PPP1R13B: variants seen among roughly 807,000 people sequenced by gnomAD.
PPP1R13B encodes protein phosphatase 1 regulatory subunit 13B.
In PPP1R13B, 44 loss-of-function variants were observed where a neutral mutation model predicts 119.8. That is an observed-to-expected ratio of 0.37 (90% CI 0.29 to 0.47). PPP1R13B has a LOEUF of 0.47. Among genes scored for constraint, PPP1R13B ranks in the 20% least tolerant of loss-of-function variants. PPP1R13B has a pLI of 0.99. For missense variants in PPP1R13B, 1,227 were observed against 1,413.5 expected (o/e 0.87, Z 2.12); for synonymous variants, 542 against 561.5 (o/e 0.97, Z 0.49).
At chr14:103,749,275 T>A (rs565630058) in intron 8 of PPP1R13B, among the ~76,000 whole-genome samples, 1 of 152,190 alleles carries the variant, frequency 6.6e-6, no homozygotes, top group Non-Finnish European at 1.5e-5. Flanking sequence ...TAAAATTCAG[T>A]ATCAAATAAG....
intron 15 of PPP1R13B, chr14:103,737,091 G>A (rs2091074483): frequency 1.3e-5 from 2 of 152,272 alleles, no homozygotes. Context: ...CCAGAAGCAA[G>A]GGTACAGAAC....
chr14:103,795,086 T>C (rs12147741), intron 2 of PPP1R13B, among the ~76,000 whole-genome samples: 57,418 of 151,986 alleles, frequency 0.38, 11,044 homozygotes, highest in Admixed American at 0.45. Flanking sequence ...TATAGGCGTG[T>C]GCCACCATGC....
At position 103,847,465 on chromosome 14, in the gene PPP1R13B, C is replaced by G. The variant is rs992399864; in HGVS notation, c.-158G>C. 713 of 993,168 alleles carry G rather than the reference C, an allele frequency of 7.2e-4. No individual in the cohort carries two copies. The highest frequency in any genetic ancestry group is 7.9e-4 in the Non-Finnish European group (661 of 836,290). 61.5% of individuals were successfully genotyped at this position (993,168 alleles called of 1,614,324 possible). A position where few individuals can be genotyped will look rare whatever the true frequency, so the allele number is the denominator to read the frequency against. On this transcript the variant is annotated 5_prime_UTR_variant, in exon 1 of 17. Coordinates refer to ENST00000202556, the MANE Select transcript of PPP1R13B (RefSeq NM_015316.3). ...GGCAGCTGCGGCGGGCTGCGGGGCTCTCGCTGGCCCTGTCGCGGCCGCCGG... is the reference window on the plus strand; with the variant it reads ...GGCAGCTGCGGCGGGCTGCGGGGCTGTCGCTGGCCCTGTCGCGGCCGCCGG...
At chr14:103,819,515 A>C (rs1287682724) in intron 1 of PPP1R13B, among the ~76,000 whole-genome samples, 6 of 146,484 alleles carry the variant, frequency 4.1e-5, no homozygotes, top group Admixed American at 2.9e-4. Context: ...AAACAAACAA[A>C]CAAAAAAAAA....
intron 1 of PPP1R13B, among the ~76,000 whole-genome samples, chr14:103,845,139 C>G (rs530436207): frequency 6.6e-6 from 1 of 152,300 alleles, no homozygotes; most frequent in South Asian, 2.1e-4. Context: ...CTGCTCTACA[C>G]AAACTGCAAA....
intron 1 of PPP1R13B, among the ~76,000 whole-genome samples, chr14:103,830,982 C>A (rs1245722635): frequency 6.8e-6 from 1 of 147,000 alleles, no homozygotes; most frequent in African/African-American, 2.5e-5. Context: ...CTCACTCTGT[C>A]GCCCAGGCTG....
At chr14:103,737,401 CAA>C (rs774685953) in intron 15 of PPP1R13B, 1,680 of 160,386 alleles carry the variant, frequency 0.01, no homozygotes, top group South Asian at 0.016. Context: ...ACTGTCTCTA[CAA>C]AAAAAAAAAA....
chr14:103,792,772 C>CA (rs952630243), intron 2 of PPP1R13B, among the ~76,000 whole-genome samples: 3 of 149,708 alleles, frequency 2.0e-5, no homozygotes, highest in African/African-American at 4.9e-5. Flanking sequence ...GACTCTGTCT[C>CA]AAAAAAAAGA....
intron 2 of PPP1R13B, among the ~76,000 whole-genome samples, chr14:103,792,313 G>T (rs1012249881): frequency 6.6e-6 from 1 of 152,046 alleles, no homozygotes; most frequent in Non-Finnish European, 1.5e-5. Flanking sequence ...TAGTAGCTGG[G>T]ACTACAGGCA....
At chr14:103,845,295 C>T (rs2087003174) in intron 1 of PPP1R13B, among the ~76,000 whole-genome samples, 1 of 152,106 alleles carries the variant, frequency 6.6e-6, no homozygotes, top group African/African-American at 2.4e-5. Context: ...ACTAAATTTA[C>T]AACCAACTCC....
At chr14:103,848,615 G>T, upstream of PPP1R13B, 1 of 528,494 alleles carries the variant, frequency 1.9e-6, no homozygotes, top group Non-Finnish European at 2.4e-6. Context: ...GGCGTAAGCC[G>T]CCCTGGGAAG....
chr14:103,793,742 G>C (rs1050932618), intron 2 of PPP1R13B, among the ~76,000 whole-genome samples: 10 of 152,138 alleles, frequency 6.6e-5, no homozygotes, highest in African/African-American at 2.4e-4. Context: ...AAAATGGAAG[G>C]TTTTATCTAC....
chr14:103,767,410 G>A (rs2084962343), intron 4 of PPP1R13B, among the ~76,000 whole-genome samples: 1 of 151,970 alleles, frequency 6.6e-6, no homozygotes, highest in African/African-American at 2.4e-5. Context: ...CCTTGAAACT[G>A]TATTTTCAAA....
At chr14:103,810,183 G>A (rs1028853551) in intron 1 of PPP1R13B, among the ~76,000 whole-genome samples, 30 of 151,986 alleles carry the variant, frequency 2.0e-4, no homozygotes, top group Non-Finnish European at 3.2e-4. Flanking sequence ...CAGCACTTTC[G>A]GAGGCTGAGG....
Position 103,749,942 on chromosome 14 carries a change from C to T in PPP1R13B, c.829-8G>A. The T allele has an allele frequency of 6.2e-7, 1 of 1,611,030 alleles. No individual in the cohort carries two copies. Among genetic ancestry groups the T allele is most frequent in the Non-Finnish European group, 8.5e-7 (1 of 1,179,184 alleles). On this transcript the variant is annotated splice_region_variant and splice_polypyrimidine_tract_variant and intron_variant, in intron 7 of 16. Coordinates refer to ENST00000202556, the MANE Select transcript of PPP1R13B (RefSeq NM_015316.3). The stretch of plus-strand genomic sequence containing the variant: ...GTTAAGTTGGTTACGAATCTACAAA[C>T]CACAAAATACAACCTTTATGATTTG...
chr14:103,846,621 A>G (rs549747788), intron 1 of PPP1R13B, among the ~76,000 whole-genome samples: 2 of 152,320 alleles, frequency 1.3e-5, no homozygotes, highest in African/African-American at 4.8e-5. Context: ...GATTATAGGT[A>G]AAGGGAAGGG....
intron 1 of PPP1R13B, among the ~76,000 whole-genome samples, chr14:103,798,468 C>A (rs2085815088): frequency 6.6e-6 from 1 of 151,442 alleles, no homozygotes; most frequent in African/African-American, 2.4e-5. Context: ...CTCTTATAAT[C>A]CAGAAAAACA....
chr14:103,760,188 A>C (rs556280302), intron 4 of PPP1R13B, among the ~76,000 whole-genome samples: 11 of 152,282 alleles, frequency 7.2e-5, no homozygotes, highest in East Asian at 1.9e-4. Context: ...GGGAAAAAAG[A>C]AGCACTTTTT....
intron 1 of PPP1R13B, among the ~76,000 whole-genome samples, chr14:103,800,513 G>C (rs530116025): frequency 6.6e-6 from 1 of 152,092 alleles, no homozygotes; most frequent in East Asian, 1.9e-4. Context: ...AATTAGCCAG[G>C]CGTGGTGGCC....
Sources: gnomAD v4.1 joint callset for allele counts (sites outside exome capture counted in the v4.1 genomes callset) on GRCh38, gnomAD v4.1.1 for gene constraint, MANE v1.5 for transcripts, NCBI Gene and HGNC (gene_info 2026-07-23, HGNC 2026-07-21) for gene names.